The following LOC728392 variants were observed in gnomAD, a reference collection of about 807,000 sequenced individuals.
At chr17:5,500,863 C>G in the LOC728392 span, 6 of 1,240,544 alleles carry the variant, frequency 4.8e-6, no homozygotes, top group South Asian at 5.3e-5. The surrounding 1 kb of genome is among the most constrained non-coding windows in gnomAD (Gnocchi z 5.4). Context: ...GGAGGGTCTT[C>G]CGGGGGAGGC....
At chr17:5,499,637 A>G in the LOC728392 span, 204,881 of 381,492 alleles carry the variant, frequency 0.54, 59,146 homozygotes, top group East Asian at 0.97. Flanking sequence ...ATCCCTAGGG[A>G]TCAGGTGGTT....
the LOC728392 span, chr17:5,500,977 G>A: frequency 8.1e-7 from 1 of 1,233,258 alleles, no homozygotes; most frequent in Non-Finnish European, 1.0e-6. This position sits in a 1 kb window ranked among gnomAD's most constrained non-coding sequence, Gnocchi z 5.4. Flanking sequence ...GCGGGTAGGT[G>A]GGTCAGCCGG....
the LOC728392 span, chr17:5,500,067 T>C: frequency 1.0e-6 from 1 of 986,306 alleles, no homozygotes; most frequent in Non-Finnish European, 1.2e-6. This position sits in a 1 kb window ranked among gnomAD's most constrained non-coding sequence, Gnocchi z 5.4. Flanking sequence ...CTGCGCGCTC[T>C]TGTCCTCTCT....
chr17:5,500,622 G>A, the LOC728392 span: 7 of 1,268,250 alleles, frequency 5.5e-6, no homozygotes, highest in Non-Finnish European at 7.2e-6. This position sits in a 1 kb window ranked among gnomAD's most constrained non-coding sequence, Gnocchi z 5.4. Flanking sequence ...ATGGATATAG[G>A]TAAAGATGCA....
the LOC728392 span, chr17:5,500,636 G>C: frequency 5.5e-6 from 7 of 1,276,036 alleles, no homozygotes; most frequent in Non-Finnish European, 7.2e-6. This position sits in a 1 kb window ranked among gnomAD's most constrained non-coding sequence, Gnocchi z 5.4. Flanking sequence ...AGATGCAGGA[G>C]GTGATGGAGA....
the LOC728392 span, chr17:5,500,839 GC>G: frequency 8.2e-7 from 1 of 1,213,202 alleles, no homozygotes; most frequent in Non-Finnish European, 1.1e-6. This position sits in a 1 kb window ranked among gnomAD's most constrained non-coding sequence, Gnocchi z 5.4. Flanking sequence ...GCCGACCTGG[GC>G]CCGCGGGCAG....
At chr17:5,500,848 C>T in the LOC728392 span, 2 of 1,218,190 alleles carry the variant, frequency 1.6e-6, no homozygotes, top group South Asian at 1.4e-5. This position sits in a 1 kb window ranked among gnomAD's most constrained non-coding sequence, Gnocchi z 5.4. Flanking sequence ...GGCCCGCGGG[C>T]AGCGGGAGGG....
the LOC728392 span, chr17:5,500,765 C>T: frequency 8.3e-7 from 1 of 1,204,794 alleles, no homozygotes; most frequent in Non-Finnish European, 1.1e-6. The surrounding 1 kb of genome is among the most constrained non-coding windows in gnomAD (Gnocchi z 5.4). Context: ...TCGGGGGCTG[C>T]CCGGCGCGGC....
At chr17:5,500,771 G>A in the LOC728392 span, 1 of 1,201,754 alleles carries the variant, frequency 8.3e-7, no homozygotes, top group Non-Finnish European at 1.1e-6. The surrounding 1 kb of genome is among the most constrained non-coding windows in gnomAD (Gnocchi z 5.4). Flanking sequence ...GCTGCCCGGC[G>A]CGGCCCCCCT....
chr17:5,500,913 T>A, the LOC728392 span: 42 of 1,261,470 alleles, frequency 3.3e-5, no homozygotes, highest in African/African-American at 6.1e-4. This position sits in a 1 kb window ranked among gnomAD's most constrained non-coding sequence, Gnocchi z 5.4. Flanking sequence ...CGGGCGAATC[T>A]GCTCGAGACC....
chr17:5,500,205 G>C, the LOC728392 span: 1 of 988,782 alleles, frequency 1.0e-6, no homozygotes, highest in Non-Finnish European at 1.2e-6. The surrounding 1 kb of genome is among the most constrained non-coding windows in gnomAD (Gnocchi z 5.4). Context: ...CCGCGGGTCT[G>C]GGTCTGGCTC....
At chr17:5,500,301 G>C in the LOC728392 span, 5 of 1,007,786 alleles carry the variant, frequency 5.0e-6, no homozygotes, top group African/African-American at 5.2e-5. This position sits in a 1 kb window ranked among gnomAD's most constrained non-coding sequence, Gnocchi z 5.4. Flanking sequence ...CCACGTCACA[G>C]AGTGGTAGGG....
the LOC728392 span, chr17:5,500,062 C>T: frequency 8.1e-6 from 8 of 986,152 alleles, no homozygotes; most frequent in Non-Finnish European, 9.6e-6. The surrounding 1 kb of genome is among the most constrained non-coding windows in gnomAD (Gnocchi z 5.4). Flanking sequence ...GCCTGCTGCG[C>T]GCTCTTGTCC....
chr17:5,500,819 C>A, the LOC728392 span: 3 of 1,176,700 alleles, frequency 2.5e-6, no homozygotes, highest in Non-Finnish European at 2.2e-6. The surrounding 1 kb of genome is among the most constrained non-coding windows in gnomAD (Gnocchi z 5.4). Context: ...CCTTCTTGCC[C>A]GCGGCCGACG....
At chr17:5,499,749 T>A in the LOC728392 span, 7 of 984,238 alleles carry the variant, frequency 7.1e-6, no homozygotes, top group Non-Finnish European at 8.4e-6. Flanking sequence ...CATCCTAGAG[T>A]CCCCAAGGAC....
At chr17:5,500,948 G>A in the LOC728392 span, 3 of 1,252,438 alleles carry the variant, frequency 2.4e-6, no homozygotes, top group East Asian at 8.5e-5. The surrounding 1 kb of genome is among the most constrained non-coding windows in gnomAD (Gnocchi z 5.4). Context: ...GAAAGAGCCC[G>A]TCAGCCATGG....
chr17:5,500,501 G>C, the LOC728392 span: 25 of 1,166,570 alleles, frequency 2.1e-5, no homozygotes, highest in African/African-American at 2.7e-4. The surrounding 1 kb of genome is among the most constrained non-coding windows in gnomAD (Gnocchi z 5.4). Context: ...CTACATGAAG[G>C]GGGTGCAGCG....
chr17:5,500,732 G>A, the LOC728392 span: 14 of 1,239,862 alleles, frequency 1.1e-5, no homozygotes, highest in Non-Finnish European at 1.5e-5. The surrounding 1 kb of genome is among the most constrained non-coding windows in gnomAD (Gnocchi z 5.4). Context: ...CCTCCTTCTT[G>A]GGCGGGGGGC....
At chr17:5,500,144 C>T in the LOC728392 span, 1 of 987,072 alleles carries the variant, frequency 1.0e-6, no homozygotes, top group Non-Finnish European at 1.2e-6. This position sits in a 1 kb window ranked among gnomAD's most constrained non-coding sequence, Gnocchi z 5.4. Context: ...AGGGCTCCGG[C>T]CCACCCCGGG....
Sources: gnomAD v4.1 joint callset for allele counts on GRCh38, gnomAD v4.1.1 for gene constraint, Gnocchi (gnomAD v3.1) non-coding constraint, MANE v1.5 for transcripts.